PARP16: variants seen among roughly 807,000 people sequenced by gnomAD.
PARP16 encodes the protein poly(ADP-ribose) polymerase family member 16, also known as protein mono-ADP-ribosyltransferase PARP16.
Under a neutral mutation model 35.0 loss-of-function variants are expected in PARP16, and 31 were observed. That is an observed-to-expected ratio of 0.88 (90% CI 0.66 to 1.19). The LOEUF (loss-of-function observed/expected upper bound fraction) is 1.19, where lower values mean the gene tolerates loss of function less well. PARP16 is among the 50% of genes most tolerant of loss of function. The pLI, the probability that PARP16 is intolerant of heterozygous loss-of-function variation, is 0.00. For missense variants in PARP16, 424 were observed against 411.2 expected, an observed-to-expected ratio of 1.03 and a Z score of -0.27; for synonymous variants, 162 against 169.5, an observed-to-expected ratio of 0.96 and a Z score of 0.34.
At chr15:65,253,151 A>T (rs2140788572), downstream of PARP16, among the ~76,000 whole-genome samples, 1 of 94,214 alleles carries the variant, frequency 1.1e-5, no homozygotes, top group East Asian at 2.5e-4. Flanking sequence ...AAAAAAACAA[A>T]ACAAACAAAA....
chr15:65,242,436 T>C (rs962342608), intron 3 of PARP16, among the ~76,000 whole-genome samples: 1 of 152,228 alleles, frequency 6.6e-6, no homozygotes, highest in Non-Finnish European at 1.5e-5. Context: ...AGGAATTATT[T>C]TGAATCTATA....
intron 1 of PARP16, among the ~76,000 whole-genome samples, chr15:65,283,198 A>C (rs574165366): frequency 1.3e-5 from 2 of 152,266 alleles, no homozygotes; most frequent in South Asian, 4.1e-4. Context: ...GCACTTTGGA[A>C]GGCTGAGGTG....
chr15:65,285,901 G>A (rs2090578633), intron 1 of PARP16, among the ~76,000 whole-genome samples: 1 of 152,180 alleles, frequency 6.6e-6, no homozygotes, highest in African/African-American at 2.4e-5. Flanking sequence ...CAAAAGGATG[G>A]ATAACTTTCT....
At chr15:65,239,986 C>T (rs1228300796) in intron 3 of PARP16, among the ~76,000 whole-genome samples, 1 of 66,208 alleles carries the variant, frequency 1.5e-5, no homozygotes, top group Non-Finnish European at 2.9e-5. Context: ...AATACAGGGT[C>T]TCACTCCGTC....
At chr15:65,274,598 G>A (rs1352974721) in intron 1 of PARP16, among the ~76,000 whole-genome samples, 2 of 150,292 alleles carry the variant, frequency 1.3e-5, no homozygotes, top group Non-Finnish European at 3.0e-5. Flanking sequence ...AAAAGGATGT[G>A]TGGAGTGCAA....
At chr15:65,254,982 G>A (rs1225030846), downstream of PARP16, among the ~76,000 whole-genome samples, 1 of 152,126 alleles carries the variant, frequency 6.6e-6, no homozygotes. Flanking sequence ...CAGAAGCAAG[G>A]ACCTCACCTG....
chr15:65,272,873 A>G (rs2090133883), intron 1 of PARP16, among the ~76,000 whole-genome samples: 1 of 152,198 alleles, frequency 6.6e-6, no homozygotes, highest in Admixed American at 6.5e-5. Context: ...CTTGGTCTAT[A>G]TATGTCCATT....
chr15:65,263,071 A>C, intron 4 of PARP16, 78 bp downstream of exon 4: 1 of 1,368,070 alleles, frequency 7.3e-7, no homozygotes, highest in Non-Finnish European at 1.0e-6. Flanking sequence ...TGGGTGCTCT[A>C]CCCAACAGCT....
intron 3 of PARP16, among the ~76,000 whole-genome samples, chr15:65,237,875 C>T (rs1247866712): frequency 1.3e-5 from 2 of 152,214 alleles, no homozygotes; most frequent in Non-Finnish European, 1.5e-5. Context: ...TGTACAGGCT[C>T]CCTCTCCTTC....
chr15:65,269,149 T>G (rs557424292), intron 2 of PARP16, among the ~76,000 whole-genome samples: 3 of 148,910 alleles, frequency 2.0e-5, no homozygotes, highest in African/African-American at 7.5e-5. Context: ...GGACAATGGG[T>G]CACACCTGGC....
downstream of PARP16, among the ~76,000 whole-genome samples, chr15:65,254,290 G>A (rs1265290358): frequency 2.0e-5 from 3 of 152,198 alleles, no homozygotes; most frequent in Non-Finnish European, 4.4e-5. Context: ...AGAGTGGGTG[G>A]AGACGGTGGT....
intron 3 of PARP16, among the ~76,000 whole-genome samples, chr15:65,265,021 T>C (rs138753134): frequency 2.8e-4 from 42 of 152,234 alleles, no homozygotes; most frequent in African/African-American, 1.0e-3. Flanking sequence ...CTGGACATAA[T>C]GGTAAGCTGA....
At chr15:65,268,494 G>A (rs890629222) in intron 2 of PARP16, among the ~76,000 whole-genome samples, 3 of 152,218 alleles carry the variant, frequency 2.0e-5, no homozygotes, top group African/African-American at 7.2e-5. Context: ...CGCCCAGGCT[G>A]GAGTGCAGTG....
At chr15:65,259,756 A>G (rs1369442703) in intron 5 of PARP16, among the ~76,000 whole-genome samples, 1 of 152,206 alleles carries the variant, frequency 6.6e-6, no homozygotes, top group Non-Finnish European at 1.5e-5. Context: ...CTAAATGCGC[A>G]AAGACAGCTA....
chr15:65,250,973 T>C (rs2089344254), intron 2 of PARP16, among the ~76,000 whole-genome samples: 3 of 152,144 alleles, frequency 2.0e-5, no homozygotes, highest in Admixed American at 2.0e-4. Context: ...AACCTTTGCC[T>C]CCCAGGTCCA....
rs138421337 is a variant in PARP16 at position 65,243,335 on chromosome 15, C to T, written c.*97+4782G>A. ...GGCGCAATCTCAGCTCTGCAACCTCCGCCTCCCCAGGCTCAAGTGGTCCTC... is the reference window on the plus strand; with the variant it reads ...GGCGCAATCTCAGCTCTGCAACCTCTGCCTCCCCAGGCTCAAGTGGTCCTC... On this transcript the variant is annotated intron_variant and NMD_transcript_variant, in intron 3 of 3. Coordinates refer to the PARP16 transcript ENST00000559805. 5.3e-5 allele frequency among the ~76,000 whole-genome samples: 8 copies of T among 152,192 alleles called. No individual in the cohort carries two copies. The East Asian group carries it at 5.8e-4, about 11-fold the overall frequency.
chr15:65,236,587 C>A (rs2088883418), intron 3 of PARP16, among the ~76,000 whole-genome samples: 1 of 152,206 alleles, frequency 6.6e-6, no homozygotes, highest in Non-Finnish European at 1.5e-5. Flanking sequence ...CTAGCAGGGA[C>A]AGGAAGTATG....
chr15:65,255,383 C>T (rs1265152795), downstream of PARP16, among the ~76,000 whole-genome samples: 1 of 152,062 alleles, frequency 6.6e-6, no homozygotes. Flanking sequence ...TGGTTTAGTA[C>T]ATAAATATAT....
intron 3 of PARP16, among the ~76,000 whole-genome samples, chr15:65,238,260 G>A (rs1375537423): frequency 6.6e-6 from 1 of 152,014 alleles, no homozygotes; most frequent in Admixed American, 6.6e-5. Flanking sequence ...CTCTAGCCTG[G>A]GCAACAAGAG....
Sources: gnomAD v4.1 joint callset for allele counts (sites outside exome capture counted in the v4.1 genomes callset) on GRCh38, gnomAD v4.1.1 for gene constraint, MANE v1.5 for transcripts, NCBI Gene and HGNC (gene_info 2026-07-23, HGNC 2026-07-21) for gene names.